ABCC1: variants seen among roughly 807,000 people sequenced by gnomAD.
ABCC1 encodes the protein multidrug resistance-associated protein 1.
ABCC1 carries 83 observed loss-of-function variants against 172.9 expected under a neutral mutation model. The observed-to-expected ratio is 0.48, with a 90% CI of 0.40 to 0.58. The LOEUF is 0.58. ABCC1 is among the 20% of genes least tolerant of loss of function. ABCC1 has a pLI of 0.00. For synonymous variants in ABCC1, 937 were observed against 825.2 expected, an observed-to-expected ratio of 1.14 and a Z score of -2.32; for missense variants, 1,817 against 2,002.7, an observed-to-expected ratio of 0.91 and a Z score of 1.77.
chr16:16,054,005 C>A (rs1004858006), intron 11 of ABCC1, among the ~76,000 whole-genome samples: 1 of 150,434 alleles, frequency 6.6e-6, no homozygotes, highest in Non-Finnish European at 1.5e-5. Flanking sequence ...GATGGAGTCT[C>A]ACTTTGTTGC....
At chr16:16,080,453 G>T (rs1440022300) in intron 16 of ABCC1, among the ~76,000 whole-genome samples, 1 of 152,158 alleles carries the variant, frequency 6.6e-6, no homozygotes, top group Non-Finnish European at 1.5e-5. Flanking sequence ...GTGAGCTTAA[G>T]AGGCTCCTTT....
At chr16:16,138,698 A>G (rs2046011456) in intron 30 of ABCC1, 140 bp downstream of exon 30, 1 of 257,840 alleles carries the variant, frequency 3.9e-6, no homozygotes. Flanking sequence ...TTCATCCTGG[A>G]TGGTACCAGC....
chr16:16,044,774 C>G, intron 8 of ABCC1, 94 bp downstream of exon 8: 1 of 1,168,758 alleles, frequency 8.6e-7, no homozygotes. Context: ...CATGCTGTGT[C>G]CTGAAGTGGG....
intron 22 of ABCC1, 41 bp from the exon 23 acceptor site, chr16:16,114,725 C>G (rs1422438932): frequency 6.5e-7 from 1 of 1,547,036 alleles, no homozygotes; most frequent in African/African-American, 1.4e-5. Context: ...CTGGTCAGCT[C>G]CCTCTCTGCA....
intron 1 of ABCC1, among the ~76,000 whole-genome samples, chr16:15,968,148 C>T (rs923581825): frequency 2.6e-5 from 4 of 152,298 alleles, no homozygotes; most frequent in South Asian, 2.1e-4. Flanking sequence ...CTGCCTCAGC[C>T]TCCCGAGTAG....
rs201296431 is a variant in ABCC1, at chr16:16,056,136, C to T, written c.1518C>T (p.Asn506=). 2.3e-4 allele frequency: 370 copies of T among 1,614,034 alleles called. No individual in the cohort carries two copies. Among genetic ancestry groups the T allele is most frequent in the Non-Finnish European group, 3.0e-4 (359 of 1,180,024 alleles). The stretch of plus-strand genomic sequence containing the variant: ...AAGACAATCGGATCAAGCTGATGAA[C>T]GAAATTCTCAATGGGATCAAAGTGC... ...KSKDNRIKLM[N]EILNGIKVLK... The change falls in exon 12 of 31, where the codon AAC becomes AAT. Residue 506 remains asparagine, a synonymous_variant. Coordinates refer to ENST00000399410, the MANE Select transcript of ABCC1 (RefSeq NM_004996.4).
At chr16:16,097,768 G>C (rs1211203569) in intron 19 of ABCC1, among the ~76,000 whole-genome samples, 2 of 152,208 alleles carry the variant, frequency 1.3e-5, no homozygotes, top group Non-Finnish European at 2.9e-5. Context: ...GGTGTGTACA[G>C]AGTGCCTGCT....
chr16:16,035,505 T>C lies in ABCC1; in HGVS notation c.678-967T>C, dbSNP rs202132441. ...TTCCTTCAGCCTATTTTTTTTTTTT[T>C]CTTTTTATAGGGTCTGACTCTGTTG... On this transcript the variant is annotated intron_variant, in intron 6 of 30. Transcript: ENST00000399410. Among the ~76,000 whole-genome samples the C allele has an allele frequency of 2.4e-5, 3 of 126,938 alleles. No homozygotes were observed. The Admixed American group carries it at 2.4e-4, about 10-fold the overall frequency. 83.3% of individuals were successfully genotyped at this position (126,938 alleles called of 152,430 possible).
intron 14 of ABCC1, among the ~76,000 whole-genome samples, chr16:16,075,825 ACCTGGGGAGAAGGGTGAACGACCT>A (rs2050539397): frequency 1.3e-5 from 2 of 152,200 alleles, no homozygotes; most frequent in South Asian, 4.2e-4. Context: ...AAGACAGAGG[ACCTGGGGAGAAGGGTGAACGACCT>A]CCCTTTGCAC....
chr16:16,112,209 A>T (rs1359711388), intron 22 of ABCC1, among the ~76,000 whole-genome samples: 1 of 152,034 alleles, frequency 6.6e-6, no homozygotes, highest in Non-Finnish European at 1.5e-5. Context: ...TAAATAAAAT[A>T]AACTACAGGT....
intron 17 of ABCC1, among the ~76,000 whole-genome samples, chr16:16,083,915 G>C (rs370397439): frequency 7.9e-5 from 12 of 152,178 alleles, no homozygotes; most frequent in African/African-American, 2.9e-4. Context: ...AAGGGACCAA[G>C]AAGGAAGTAC....
intron 1 of ABCC1, among the ~76,000 whole-genome samples, chr16:15,963,226 G>A (rs2046175335): frequency 6.6e-6 from 1 of 152,256 alleles, no homozygotes; most frequent in African/African-American, 2.4e-5. Flanking sequence ...TGCAAGAGGT[G>A]GGCTTCCACG....
At chr16:16,128,133 C>T (rs1010581370) in intron 26 of ABCC1, among the ~76,000 whole-genome samples, 1 of 151,022 alleles carries the variant, frequency 6.6e-6, no homozygotes, top group East Asian at 1.9e-4. Flanking sequence ...ATGTGAATTT[C>T]ACATGCCATG....
chr16:16,013,094 C>T (rs886494834), intron 3 of ABCC1, among the ~76,000 whole-genome samples: 1 of 152,032 alleles, frequency 6.6e-6, no homozygotes, highest in African/African-American at 2.4e-5. Context: ...GCTGGGCTGG[C>T]CAAGAGGTGA....
intron 28 of ABCC1, 62 bp downstream of exon 28, chr16:16,134,570 CAGT>C: frequency 1.3e-6 from 2 of 1,571,852 alleles, no homozygotes; most frequent in Non-Finnish European, 1.7e-6. Context: ...ATTGCACTGA[CAGT>C]GGTGTATGTA....
chr16:16,015,677 C>T (rs45603037), intron 4 of ABCC1, among the ~76,000 whole-genome samples: 3,063 of 152,302 alleles, frequency 0.02, 42 homozygotes, highest in Non-Finnish European at 0.028. Flanking sequence ...CAGAATTTCT[C>T]AGCCTCAGCA....
chr16:16,025,678 A>G (rs1467966199), intron 5 of ABCC1, among the ~76,000 whole-genome samples: 1 of 152,206 alleles, frequency 6.6e-6, no homozygotes, highest in African/African-American at 2.4e-5. Flanking sequence ...TCCAAGAATC[A>G]GTGCCTGGGG....
At chr16:15,956,234 G>C (rs181664228) in intron 1 of ABCC1, among the ~76,000 whole-genome samples, 3 of 152,010 alleles carry the variant, frequency 2.0e-5, no homozygotes, top group African/African-American at 7.2e-5. Context: ...GTGTGGTGGC[G>C]GGTGCCTGTA....
chr16:16,017,751 G>A (rs532695796), intron 5 of ABCC1, among the ~76,000 whole-genome samples: 1 of 152,206 alleles, frequency 6.6e-6, no homozygotes, highest in African/African-American at 2.4e-5. Context: ...TTGCTGTGTT[G>A]CCCAGGCTCA....
Sources: allele counts gnomAD v4.1 joint callset (sites outside exome capture counted in the v4.1 genomes callset), GRCh38; gene constraint gnomAD v4.1.1; transcripts MANE v1.5; gene names NCBI Gene and HGNC (gene_info 2026-07-23, HGNC 2026-07-21).